HSPBP1: variants seen among roughly 807,000 people sequenced by gnomAD.
HSPBP1 encodes the protein HSPA (Hsp70) binding protein 1.
HSPBP1 carries 31 observed loss-of-function variants against 41.7 expected under a neutral mutation model. That is an observed-to-expected ratio of 0.74 (90% CI 0.56 to 1.00). HSPBP1 has a LOEUF of 1.00. Among genes scored for constraint, HSPBP1 ranks in the 50% least tolerant of loss-of-function variants. HSPBP1 has a pLI of 0.00. For missense variants in HSPBP1, 439 were observed against 487.9 expected (o/e 0.90, Z 0.94); for synonymous variants, 199 against 214.4 (o/e 0.93, Z 0.63).
rs780963545 is a variant in HSPBP1, at chr19:55,277,691, C to T, written c.366G>A (p.Gly122=). The part of the protein sequence containing the change: ...EQAADQQERE[G]ALELLADLCE... ...ACAGGTCGGCCAGCAGCTCCAGGGC[C>T]CCCTCTCGCTCTTGCTGGTCGGCCG... Residue 122 remains glycine, a synonymous_variant, in exon 3 of 8, where the codon GGG becomes GGA. Transcript: ENST00000433386. 10 of 1,605,994 alleles carry T rather than the reference C, an allele frequency of 6.2e-6. No homozygotes were observed. The Admixed American group carries it at 1.2e-4, about 19-fold the overall frequency.
chr19:55,274,975 T>C (rs190683282), intron 3 of HSPBP1, among the ~76,000 whole-genome samples: 85 of 152,144 alleles, frequency 5.6e-4, no homozygotes, highest in Non-Finnish European at 1.2e-3. Flanking sequence ...CGTGAGAAAA[T>C]ACATTTCTGT....
chr19:55,269,625 G>A (rs988781318), intron 4 of HSPBP1, among the ~76,000 whole-genome samples: 2 of 152,132 alleles, frequency 1.3e-5, no homozygotes, highest in African/African-American at 4.8e-5. Flanking sequence ...GAAGCCAGTC[G>A]GAAAAGGCTG....
intron 7 of HSPBP1, among the ~76,000 whole-genome samples, chr19:55,264,406 C>A (rs983365919): frequency 6.6e-6 from 1 of 152,178 alleles, no homozygotes; most frequent in Non-Finnish European, 1.5e-5. Context: ...TCATTCACTT[C>A]AACAAATTAA....
rs184621523 is a variant in HSPBP1 at position 55,277,968 on chromosome 19, T to C, written c.211-122A>G. 98 of 846,668 alleles carry C rather than the reference T, an allele frequency of 1.2e-4. No homozygotes were observed. In the African/African-American group the frequency reaches 1.4e-3, roughly 12 times the overall value. The allele number at this position is 846,668 out of a possible 1,614,324, so 52.4% of individuals were successfully genotyped here. On this transcript the variant is annotated intron_variant, in intron 2 of 7. Coordinates refer to ENST00000433386, the MANE Select transcript of HSPBP1 (RefSeq NM_012267.5). ...GTTCCTTCAGTCAACAAATATCGGC[T>C]GGGAGCTGTGGCTCATCCCTGTAAT...
intron 4 of HSPBP1, among the ~76,000 whole-genome samples, chr19:55,269,558 A>G (rs540012160): frequency 6.6e-6 from 1 of 152,292 alleles, no homozygotes; most frequent in East Asian, 1.9e-4. Context: ...AAAAGAAATG[A>G]GCTATCAAGC....
chr19:55,275,078 A>G (rs1417367344), intron 3 of HSPBP1, among the ~76,000 whole-genome samples: 1 of 152,196 alleles, frequency 6.6e-6, no homozygotes, highest in Non-Finnish European at 1.5e-5. Flanking sequence ...CGGCTCCCAC[A>G]GGGACGCAGC....
In HSPBP1 at chr19:55,266,131, C is replaced by G. The variant is rs903071640; in HGVS notation, c.796G>C (p.Gly266Arg). The G allele has an allele frequency of 6.2e-7, 1 of 1,601,874 alleles. No individual in the cohort carries two copies. The highest frequency in any genetic ancestry group is 8.5e-7 in the Non-Finnish European group (1 of 1,174,512). Reference protein sequence around the residue: ...NLLVGHPEHKGTLCSMGMVQQ... With the variant: ...NLLVGHPEHKRTLCSMGMVQQ... ...TGCCCTCACTCAAGGGCTGCCACAC[C>G]TTTGTGTTCAGGGTGGCCCACCAGC... The change falls in exon 5 of 8, where the codon GGG (glycine) becomes CGG (arginine). Residue 266 changes from glycine (G) to arginine (R), a missense_variant and splice_region_variant. Physicochemically the swap from Gly to Arg is moderately radical, Grantham distance 125. Coordinates refer to ENST00000433386, the MANE Select transcript of HSPBP1 (RefSeq NM_012267.5).
At chr19:55,276,930 G>A (rs768856170) in intron 3 of HSPBP1, among the ~76,000 whole-genome samples, 8 of 152,076 alleles carry the variant, frequency 5.3e-5, no homozygotes, top group Non-Finnish European at 7.3e-5. Flanking sequence ...CCCAGCCTGC[G>A]TACAAGAGGA....
rs776000847 is a variant in HSPBP1, at chr19:55,268,666, T to C, written c.641-2380A>G. On this transcript the variant is annotated intron_variant, in intron 4 of 7. Coordinates refer to ENST00000433386, the MANE Select transcript of HSPBP1 (RefSeq NM_012267.5). The surrounding 1 kb of genome is among the most constrained non-coding windows in gnomAD (Gnocchi z 4.5). ...ACATATTGGGTTACATATTTATTTATTTTAGTTTATTTTATTTCATTTTTG... is the reference window on the plus strand; with the variant it reads ...ACATATTGGGTTACATATTTATTTACTTTAGTTTATTTTATTTCATTTTTG... Among the ~76,000 whole-genome samples the C allele has an allele frequency of 6.6e-6, 1 of 152,272 alleles. No individual in the cohort carries two copies. The highest frequency in any genetic ancestry group is 3.4e-3 in the Middle Eastern group (1 of 294).
chr19:55,271,046 C>A (rs967487876), intron 4 of HSPBP1, among the ~76,000 whole-genome samples: 1 of 151,894 alleles, frequency 6.6e-6, no homozygotes, highest in Non-Finnish European at 1.5e-5. Context: ...CCACACACAC[C>A]CACATTTGTT....
At position 55,272,430 on chromosome 19, in the gene HSPBP1, A is replaced by G. The variant is rs1339322471; in HGVS notation, c.640+1968T>C. Among the ~76,000 whole-genome samples the G allele has an allele frequency of 2.0e-5, 3 of 152,192 alleles. No individual in the cohort carries two copies. The highest frequency in any genetic ancestry group is 7.2e-5 in the African/African-American group (3 of 41,444). ...TTCCGTTTGTACAAATGTCCCGGAG[A>G]GGGAAATCCTTAGAGGCAGTAAGTA... On this transcript the variant is annotated intron_variant, in intron 4 of 7. Coordinates refer to ENST00000433386, the MANE Select transcript of HSPBP1 (RefSeq NM_012267.5). The surrounding 1 kb of genome is among the most constrained non-coding windows in gnomAD (Gnocchi z 4.2).
intron 4 of HSPBP1, among the ~76,000 whole-genome samples, chr19:55,271,716 C>A (rs976050933): frequency 6.6e-6 from 1 of 152,150 alleles, no homozygotes; most frequent in Non-Finnish European, 1.5e-5. Flanking sequence ...TGTTGGACCC[C>A]CCTCACAGCC....
intron 4 of HSPBP1, among the ~76,000 whole-genome samples, chr19:55,271,708 T>C (rs1020312681): frequency 2.0e-5 from 3 of 152,144 alleles, no homozygotes; most frequent in Non-Finnish European, 2.9e-5. Flanking sequence ...AAAGAGGGTG[T>C]TGGACCCCCC....
chr19:55,279,744 C>CA (rs1383993655), intron 1 of HSPBP1, 42 bp from the exon 2 acceptor site: 2 of 1,533,956 alleles, frequency 1.3e-6, no homozygotes, highest in Non-Finnish European at 1.7e-6. Context: ...GGCGACCCCC[C>CA]ATGACCCCAA....
rs1054467954 is a variant in HSPBP1 at position 55,265,223 on chromosome 19, T to C, written c.1005+55A>G. On this transcript the variant is annotated intron_variant, in intron 7 of 7. Coordinates refer to ENST00000433386, the MANE Select transcript of HSPBP1 (RefSeq NM_012267.5). ...ACACACCTAGTCCTCCTGGAGCCCT[T>C]GTCCCCTCCCCCTTGCACCTGGTCC... is the stretch of plus-strand genomic sequence containing the variant. 3.0e-5 allele frequency: 27 copies of C among 913,194 alleles called. 1 individual carries two copies. In the African/African-American group the frequency reaches 4.9e-4, roughly 17 times the overall value. 56.6% of individuals were successfully genotyped at this position (913,194 alleles called of 1,614,324 possible).
chr19:55,262,560 A>G lies in HSPBP1; in HGVS notation c.*48T>C. ...GGGCCTTGTAGGTGGGGAGGGAGGC[A>G]AGAGGCCTGGGGTTCCCACGGAGAA... On this transcript the variant is annotated 3_prime_UTR_variant, in exon 8 of 8. Transcript: ENST00000433386. 1.9e-6 allele frequency: 3 copies of G among 1,606,596 alleles called. No individual in the cohort carries two copies. Among genetic ancestry groups the G allele is most frequent in the South Asian group, 2.2e-5 (2 of 89,682 alleles).
At position 55,274,525 on chromosome 19, in the gene HSPBP1, C is replaced by T. The variant is rs138905885; in HGVS notation, c.513G>A (p.Thr171=). ...LRWRAAQLIG[T]CSQNVAAIQE... is the part of the protein sequence containing the mutation. ...GGATGGCTGCCACGTTCTGACTGCA[C>T]GTGCCGATGAGCTGTGCCGCCCGCC... is the stretch of plus-strand genomic sequence containing the variant. Residue 171 remains threonine (T), a synonymous_variant, in exon 4 of 8, where the codon ACG becomes ACA. Transcript: ENST00000433386. 976 of 1,607,372 alleles carry T rather than the reference C, an allele frequency of 6.1e-4. No individual in the cohort carries two copies. Among genetic ancestry groups the T allele is most frequent in the Non-Finnish European group, 7.4e-4 (868 of 1,178,896 alleles).
chr19:55,280,065 TACAG>T lies in HSPBP1; in HGVS notation c.-129_-126del, dbSNP rs948161498. 8.2e-5 allele frequency: 20 copies of T among 244,082 alleles called. No homozygotes were observed. Among genetic ancestry groups the T allele is most frequent in the South Asian group, 7.3e-4 (18 of 24,774 alleles). The allele number at this position is 244,082 out of a possible 1,614,324, so 15.1% of individuals were successfully genotyped here. On this transcript the variant is annotated 5_prime_UTR_variant, in exon 1 of 8. An upstream open reading frame in the 5' UTR loses its in-frame stop. Transcript: ENST00000433386. ...CGGGTCCTCAAGCCGCCGCTGCTCCTACAGACAAAGTCGTCCGCACCTGACTCTG... is the reference window on the plus strand; with the variant it reads ...CGGGTCCTCAAGCCGCCGCTGCTCCTACAAAGTCGTCCGCACCTGACTCTG...
intron 4 of HSPBP1, 129 bp downstream of exon 4, chr19:55,274,269 G>A (rs2088001269): frequency 4.4e-6 from 4 of 905,370 alleles, no homozygotes; most frequent in Non-Finnish European, 6.7e-6. Flanking sequence ...CCGTGCAGGG[G>A]TCCAACAAGC....
Sources: gnomAD v4.1 joint callset for allele counts (sites outside exome capture counted in the v4.1 genomes callset) on GRCh38, gnomAD v4.1.1 for gene constraint, Gnocchi (gnomAD v3.1) non-coding constraint, MANE v1.5 for transcripts, NCBI Gene and HGNC (gene_info 2026-07-23, HGNC 2026-07-21) for gene names.